PCNT: variants seen among roughly 807,000 people sequenced by gnomAD.
PCNT encodes kendrin.
PCNT carries 319 observed loss-of-function variants against 380.4 expected under a neutral mutation model. The ratio of observed to expected loss-of-function variants is 0.84; its 90% CI spans 0.77 to 0.92. The LOEUF is 0.92. Among genes scored for constraint, PCNT ranks in the 40% least tolerant of loss-of-function variants. The pLI, the probability that PCNT is intolerant of heterozygous loss-of-function variation, is 0.00. For missense variants in PCNT, 4,400 were observed against 4,255.3 expected (o/e 1.03, Z -0.95); for synonymous variants, 1,845 against 1,735.2 (o/e 1.06, Z -1.57).
In PCNT at chr21:46,401,545, TA is replaced by T. The variant is rs2086427618; in HGVS notation, c.4792-4del. On this transcript the variant is annotated splice_polypyrimidine_tract_variant and splice_region_variant and intron_variant, in intron 25 of 46. Transcript: ENST00000359568. ...GCCTAAAATAGAGTTCTTTTTTTTT[TA>T]ATAGGATAAAGAGGTGTTAAAGAAA... is the stretch of plus-strand genomic sequence containing the variant. 6.2e-7 allele frequency: 1 copy of T among 1,610,956 alleles called. No homozygotes were observed. The highest frequency in any genetic ancestry group is 2.2e-5 in the East Asian group (1 of 44,870).
Position 46,432,058 on chromosome 21 carries a change from G to C in PCNT, c.8594G>C (p.Arg2865Thr), listed in dbSNP as rs777651764. 1.2e-6 allele frequency: 2 copies of C among 1,613,918 alleles called. No homozygotes were observed. The highest frequency in any genetic ancestry group is 2.2e-5 in the South Asian group (2 of 91,086). ...CTGAGATGCTCTCTGGAGAGAGAGA[G>C]GGAGAAACCAGCGTGGTTGCAGGCA... Reference protein sequence around the residue: ...RELRCSLEREREKPAWLQAEL... With the variant: ...RELRCSLERETEKPAWLQAEL... Residue 2865 changes from arginine to threonine, a missense_variant, in exon 38 of 47, where the codon AGG (arginine) becomes ACG (threonine). Transcript: ENST00000359568.
At chr21:46,351,876 C>CT (rs925999302) in intron 9 of PCNT, among the ~76,000 whole-genome samples, 2 of 152,228 alleles carry the variant, frequency 1.3e-5, no homozygotes, top group Admixed American at 1.3e-4. Flanking sequence ...TGAGTGCTGT[C>CT]CAAGTGCGGG....
intron 43 of PCNT, 150 bp from the exon 44 acceptor site, chr21:46,442,347 C>T (rs978477645): frequency 2.2e-5 from 15 of 691,470 alleles, no homozygotes; most frequent in South Asian, 1.4e-4. Flanking sequence ...ATGCCAGGCC[C>T]GAGTCAACAG....
chr21:46,336,526 A>G (rs547028121), intron 3 of PCNT, among the ~76,000 whole-genome samples: 3 of 152,248 alleles, frequency 2.0e-5, no homozygotes, highest in East Asian at 1.9e-4. Context: ...CTCCTGTGTC[A>G]TGTGTTTGAA....
rs7509902 is a variant in PCNT at position 46,445,289 on chromosome 21, A to G, written c.9973A>G (p.Thr3325Ala). The G allele has an allele frequency of 1.2e-6, 2 of 1,606,046 alleles. No homozygotes were observed. Among genetic ancestry groups the G allele is most frequent in the African/African-American group, 2.7e-5 (2 of 74,778 alleles). The change falls in exon 47 of 47, where the codon ACT becomes GCT. Residue 3325 changes from threonine to alanine, a missense_variant. Coordinates refer to ENST00000359568, the MANE Select transcript of PCNT (RefSeq NM_006031.6). The part of the protein sequence containing the change: ...QRLGGVLPDS[T>A]SKKSCHPMIK... ...TCATTTTTATTTATATGCAGATTCT[A>G]CTTCAAAGAAATCCTGCCACCCGAT...
At position 46,351,444 on chromosome 21, in the gene PCNT, G is replaced by C; in HGVS notation, c.1360G>C (p.Ala454Pro). Residue 454 changes from alanine (A) to proline (P), a missense_variant, in exon 9 of 47, where the codon GCA becomes CCA. By Grantham distance (27) the Ala-to-Pro change is conservative. Transcript: ENST00000359568. ...CTTTTTCCAGTTAGAGAATCTTCAA[G>C]CATCATATGAAGACCTGAAGGCACA... ...EKQLELENLQASYEDLKAQSQ... is the reference protein window; with the variant it reads ...EKQLELENLQPSYEDLKAQSQ... The C allele has an allele frequency of 6.2e-7, 1 of 1,604,696 alleles. No homozygotes were observed. Among genetic ancestry groups the C allele is most frequent in the Non-Finnish European group, 8.5e-7 (1 of 1,171,414 alleles).
chr21:46,416,764 G>A lies in PCNT; in HGVS notation c.6846G>A (p.Val2282=). The stretch of plus-strand genomic sequence containing the variant: ...CGGGGCTGCTTTGTTCCCCAGGCGT[G>A]TCTGCAGCAGCGCTGGCACTGCAGT... ...QGPGLLCSPG[V]SAAALALQWA... The change falls in exon 30 of 47, where the codon GTG becomes GTA. Residue 2282 remains valine, a synonymous_variant. Transcript: ENST00000359568. 1 of 1,604,130 alleles carries A rather than the reference G, an allele frequency of 6.2e-7. No homozygotes were observed. The highest frequency in any genetic ancestry group is 8.5e-7 in the Non-Finnish European group (1 of 1,177,550).
chr21:46,371,221 T>C (rs1180133654), intron 15 of PCNT, among the ~76,000 whole-genome samples: 41 of 150,484 alleles, frequency 2.7e-4, no homozygotes, highest in Admixed American at 1.8e-3. Flanking sequence ...TTTCTTTTTT[T>C]TTTTTTTTTT....
At chr21:46,355,721 C>A in intron 12 of PCNT, 95 bp downstream of exon 12, 1 of 1,238,900 alleles carries the variant, frequency 8.1e-7, no homozygotes, top group Non-Finnish European at 1.2e-6. Flanking sequence ...CCAAGTCCTC[C>A]GTGAAGCAGC....
chr21:46,356,874 T>G, intron 12 of PCNT, 100 bp from the exon 13 acceptor site: 1 of 953,986 alleles, frequency 1.0e-6, no homozygotes, highest in South Asian at 1.3e-5. Context: ...GTGTCTGCTG[T>G]CAGAAGCATT....
At chr21:46,365,437 GTGGGGT>G (rs2084877655) in intron 14 of PCNT, among the ~76,000 whole-genome samples, 1 of 138,136 alleles carries the variant, frequency 7.2e-6, no homozygotes, top group Non-Finnish European at 1.6e-5. Flanking sequence ...ATTCACTGCC[GTGGGGT>G]TCTGTTCACT....
chr21:46,430,064 A>G lies in PCNT; in HGVS notation c.7745A>G (p.Gln2582Arg). Reference protein sequence around the residue: ...EQEKCIAGDLQKTLSEEQEKA... With the variant: ...EQEKCIAGDLRKTLSEEQEKA... The stretch of plus-strand genomic sequence containing the variant: ...GAGAAGTGCATTGCTGGTGACTTGC[A>G]GAAGACGCTGAGTGAAGAGCAAGAG... The change falls in exon 36 of 47, where the codon CAG becomes CGG. Residue 2582 changes from glutamine to arginine, a missense_variant. By Grantham distance (43) the Gln-to-Arg change is conservative. Coordinates refer to ENST00000359568, the MANE Select transcript of PCNT (RefSeq NM_006031.6). 6.2e-7 allele frequency: 1 copy of G among 1,614,242 alleles called. No homozygotes were observed. Among genetic ancestry groups the G allele is most frequent in the Non-Finnish European group, 8.5e-7 (1 of 1,180,040 alleles).
chr21:46,353,396 T>A, intron 10 of PCNT, 70 bp downstream of exon 10: 1 of 1,298,562 alleles, frequency 7.7e-7, no homozygotes, highest in Non-Finnish European at 1.1e-6. Context: ...TCAGGGGTAG[T>A]TTTGTTGGTG....
chr21:46,417,699 G>A (rs1265730862), intron 30 of PCNT, among the ~76,000 whole-genome samples: 1 of 152,088 alleles, frequency 6.6e-6, no homozygotes. Flanking sequence ...CCAGGAATTT[G>A]AGACCAGGCT....
intron 15 of PCNT, among the ~76,000 whole-genome samples, chr21:46,377,247 C>A (rs1226211160): frequency 1.3e-5 from 2 of 152,220 alleles, no homozygotes; most frequent in Non-Finnish European, 2.9e-5. Context: ...CCTGGCCGTG[C>A]TGGGCAGGGA....
chr21:46,353,875 T>G, intron 10 of PCNT, 112 bp from the exon 11 acceptor site: 1 of 907,988 alleles, frequency 1.1e-6, no homozygotes, highest in Non-Finnish European at 1.8e-6. Flanking sequence ...CGTCCTTGAC[T>G]GGAAGCACGA....
intron 8 of PCNT, among the ~76,000 whole-genome samples, chr21:46,350,763 C>T (rs2084237662): frequency 6.6e-6 from 1 of 152,160 alleles, no homozygotes; most frequent in South Asian, 2.1e-4. Flanking sequence ...CAGTCTCTCC[C>T]TGGTCCCTTC....
chr21:46,412,943 T>C lies in PCNT; in HGVS notation c.6101T>C (p.Leu2034Pro), dbSNP rs777108573. ...TVCQRQLQSE[L>P]LLVKNEMRLS... ...TGCCAGAGGCAGCTGCAGTCGGAGC[T>C]GCTCTTGGTGAAAAATGAAATGCGC... Residue 2034 changes from leucine to proline, a missense_variant, in exon 29 of 47, where the codon CTG becomes CCG. Transcript: ENST00000359568. 1 of 1,611,714 alleles carries C rather than the reference T, an allele frequency of 6.2e-7. No individual in the cohort carries two copies. Among genetic ancestry groups the C allele is most frequent in the Non-Finnish European group, 8.5e-7 (1 of 1,180,008 alleles).
chr21:46,374,175 C>T (rs533540335), intron 15 of PCNT, among the ~76,000 whole-genome samples: 107 of 152,246 alleles, frequency 7.0e-4, no homozygotes, highest in African/African-American at 2.5e-3. Flanking sequence ...AATAACTCAG[C>T]AAGCCCCCGG....
Sources: allele counts gnomAD v4.1 joint callset (sites outside exome capture counted in the v4.1 genomes callset), GRCh38; gene constraint gnomAD v4.1.1; transcripts MANE v1.5; gene names NCBI Gene and HGNC (gene_info 2026-07-23, HGNC 2026-07-21).